Variants in GGN observed in about 807,000 individuals in gnomAD.
GGN encodes the protein gametogenetin.
In GGN, 27 loss-of-function variants were observed where a neutral mutation model predicts 35.5. The ratio of observed to expected loss-of-function variants is 0.76; its 90% CI spans 0.56 to 1.05. The LOEUF is 1.05. GGN is among the 50% of genes least tolerant of loss of function. The pLI is 0.00. For missense variants in GGN, 1,006 were observed against 940.7 expected (o/e 1.07, Z -0.91); for synonymous variants, 425 against 444.1 (o/e 0.96, Z 0.54).
chr19:38,386,509 G>A lies in GGN; in HGVS notation c.753C>T (p.Pro251=). The change falls in exon 3 of 4, where the codon CCC becomes CCT. Residue 251 remains proline (P), a synonymous_variant. Transcript: ENST00000334928. ...TCGAGGCTGCCGGAGGGGCCAAAGA[G>A]GGCCTCGACTTGAAGGTGATTTTAC... ...LLCKITFKSR[P]SLAPPAASSS... is the part of the protein sequence containing the mutation. 1 of 1,612,998 alleles carries A rather than the reference G, an allele frequency of 6.2e-7. No individual in the cohort carries two copies. Among genetic ancestry groups the A allele is most frequent in the Non-Finnish European group, 8.5e-7 (1 of 1,179,986 alleles).
Position 38,385,564 on chromosome 19 carries a change from G to C in GGN, c.1698C>G (p.Gly566=). 1.2e-6 allele frequency: 2 copies of C among 1,614,082 alleles called. No homozygotes were observed. The highest frequency in any genetic ancestry group is 1.7e-6 in the Non-Finnish European group (2 of 1,180,006). ...CTGCCCCAGTCTGAGAGGCCCCGCT[G>C]CCACCACCCCCTCCACCACTGCTGT... ...VPDSSGGGGG[G]SGASQTGAAN... Residue 566 remains glycine, a synonymous_variant, in exon 3 of 4, where the codon GGC becomes GGG. Transcript: ENST00000334928.
At position 38,386,662 on chromosome 19, in the gene GGN, T is replaced by C. The variant is rs1970731240; in HGVS notation, c.600A>G (p.Thr200=). 6.2e-7 allele frequency: 1 copy of C among 1,611,832 alleles called. No homozygotes were observed. Among genetic ancestry groups the C allele is most frequent in the South Asian group, 1.1e-5 (1 of 90,888 alleles). The change falls in exon 3 of 4, where the codon ACA becomes ACG. Residue 200 remains threonine (T), a synonymous_variant. Coordinates refer to ENST00000334928, the MANE Select transcript of GGN (RefSeq NM_152657.4). ...GGTTGCGGGGCCCAGCCTGGCTTTC[T>C]GTCGGGGGTGAGGCGGGTGTGGCCA... ...PALATPASPP[T]ESQAGPRNQG...
In GGN at chr19:38,386,023, C is replaced by G. The variant is rs753032914; in HGVS notation, c.1239G>C (p.Pro413=). 1 of 1,605,324 alleles carries G rather than the reference C, an allele frequency of 6.2e-7. No individual in the cohort carries two copies. The highest frequency in any genetic ancestry group is 8.5e-7 in the Non-Finnish European group (1 of 1,176,270). The change falls in exon 3 of 4, where the codon CCG becomes CCC. Residue 413 remains proline, a synonymous_variant. Transcript: ENST00000334928. The part of the protein sequence containing the change: ...PRRPAPALLA[P]PTFIFPAPTN... The stretch of plus-strand genomic sequence containing the variant: ...TGGGTGCTGGGAAGATGAACGTAGG[C>G]GGCGCCAGCAGGGCAGGTGCGGGCC...
upstream of GGN, chr19:38,388,135 G>A (rs1970765585): frequency 6.0e-6 from 1 of 166,470 alleles, no homozygotes; most frequent in Non-Finnish European, 1.3e-5. Flanking sequence ...ACACCGATGC[G>A]TCGCTCCTCC....
Position 38,384,414 on chromosome 19 carries a change from A to G in GGN, c.1957T>C (p.Ter653ArgextTer2). 1 of 1,610,868 alleles carries G rather than the reference A, an allele frequency of 6.2e-7. No individual in the cohort carries two copies. The highest frequency in any genetic ancestry group is 8.5e-7 in the Non-Finnish European group (1 of 1,177,180). ...HYDLQATHSN[*>R] The stretch of plus-strand genomic sequence containing the variant: ...GGAGGGTGTTGAGCCGACTACACTC[A>G]GTTGGAATGGGTGGCCTGCAAGTCG... The change falls in exon 4 of 4, where the codon TGA becomes CGA. Residue 653 changes from the stop codon to arginine, a stop_lost. Transcript: ENST00000334928.
Position 38,387,079 on chromosome 19 carries a change from C to T in GGN, c.183G>A (p.Met61Ile). 7 of 1,558,310 alleles carry T rather than the reference C, an allele frequency of 4.5e-6. No individual in the cohort carries two copies. The highest frequency in any genetic ancestry group is 6.1e-6 in the Non-Finnish European group (7 of 1,150,856). Residue 61 changes from methionine to isoleucine, a missense_variant, in exon 3 of 4, where the codon ATG (methionine) becomes ATA (isoleucine). Physicochemically the swap from Met to Ile is conservative, Grantham distance 10 (BLOSUM62 1). Transcript: ENST00000334928. The surrounding 1 kb of genome is among the most constrained non-coding windows in gnomAD (Gnocchi z 5.3). The stretch of plus-strand genomic sequence containing the variant: ...GTGAGGCCTGGGGCTCCCGGGGTAC[C>T]ATGAGTCCCGGGGGTGTGGCGCTGC... ...FPGSATPPGL[M>I]VPREPQASPS...
At position 38,386,918 on chromosome 19, in the gene GGN, G is replaced by A. The variant is rs747657588; in HGVS notation, c.344C>T (p.Ala115Val). 3 of 1,550,796 alleles carry A rather than the reference G, an allele frequency of 1.9e-6. No individual in the cohort carries two copies. The highest frequency in any genetic ancestry group is 1.4e-5 in the African/African-American group (1 of 73,290). Residue 115 changes from alanine (A) to valine (V), a missense_variant, in exon 3 of 4, where the codon GCG becomes GTG. Ala to Val is a moderately conservative substitution (Grantham distance 64, BLOSUM62 0). Coordinates refer to ENST00000334928, the MANE Select transcript of GGN (RefSeq NM_152657.4). Reference sequence around the variant, plus strand: ...GCGGATCCGGGGAACTGGAGTGCCCGCGGGCTTTTGCCATTTAGACGGGCC... The same window carrying A: ...GCGGATCCGGGGAACTGGAGTGCCCACGGGCTTTTGCCATTTAGACGGGCC... ...LPGPSKWQKPAGTPVPRIRRL... is the reference protein window; with the variant it reads ...LPGPSKWQKPVGTPVPRIRRL...
In GGN at chr19:38,388,013, C is replaced by G. The variant is rs1467654455; in HGVS notation, c.-120G>C. 1 of 155,020 alleles carries G rather than the reference C, an allele frequency of 6.5e-6. No individual in the cohort carries two copies. Among genetic ancestry groups the G allele is most frequent in the Non-Finnish European group, 1.5e-5 (1 of 68,732 alleles). 9.6% of individuals were successfully genotyped at this position (155,020 alleles called of 1,614,324 possible). A position where few individuals can be genotyped will look rare whatever the true frequency, so the allele number is the denominator to read the frequency against. On this transcript the variant is annotated 5_prime_UTR_variant, in exon 1 of 4. Transcript: ENST00000334928. ...TGAAATACTCCGAGGTCTTGTTCCT[C>G]GCCCCCAGGCCTTCTGGTTCTAAGC...
At position 38,386,565 on chromosome 19, in the gene GGN, C is replaced by T; in HGVS notation, c.697G>A (p.Ala233Thr). ...AGGCTCAGACCGGACTCGGAATCCG[C>T]AGGCTGGGCCATTTCGCCTTCGCCC... ...HAGEGEMAQP[A>T]DSESGLSLLC... The change falls in exon 3 of 4, where the codon GCG becomes ACG. Residue 233 changes from alanine (A) to threonine (T), a missense_variant. Transcript: ENST00000334928. The T allele has an allele frequency of 6.2e-7, 1 of 1,613,632 alleles. No homozygotes were observed. Among genetic ancestry groups the T allele is most frequent in the Non-Finnish European group, 8.5e-7 (1 of 1,179,932 alleles).
chr19:38,388,248 C>T (rs910544316), upstream of GGN, among the ~76,000 whole-genome samples: 3 of 152,160 alleles, frequency 2.0e-5, no homozygotes, highest in African/African-American at 2.4e-5. Flanking sequence ...TCCTTCCCCC[C>T]GGGCGCCGAG....
chr19:38,385,356 G>A (rs2145134479), intron 3 of GGN, 65 bp downstream of exon 3: 1 of 1,601,406 alleles, frequency 6.2e-7, no homozygotes, highest in East Asian at 2.2e-5. Context: ...GAAGCCAAAG[G>A]GCTGAGTAGG....
Position 38,386,109 on chromosome 19 carries a change from C to T in GGN, c.1153G>A (p.Gly385Arg). ...GGTGGCGGAGGGGAGCCCCAAGGCC[C>T]AGAGAGTGCGGCCGCACGCCGTCGC... ...APRRRAAALS[G>R]PWGSPPPPPE... The change falls in exon 3 of 4, where the codon GGG becomes AGG. Residue 385 changes from glycine (G) to arginine (R), a missense_variant. By Grantham distance (125) the Gly-to-Arg change is moderately radical. Transcript: ENST00000334928. The T allele has an allele frequency of 6.3e-7, 1 of 1,584,554 alleles. No individual in the cohort carries two copies. Among genetic ancestry groups the T allele is most frequent in the Non-Finnish European group, 8.6e-7 (1 of 1,168,464 alleles).
At position 38,387,327 on chromosome 19, in the gene GGN, C is replaced by A; in HGVS notation, c.-19-47G>T. ...AGTCAGCCTGCCAGGGCCGTGGGGACCCTACGAGGCTGGCTGTACTTGATC... is the reference window on the plus strand; with the variant it reads ...AGTCAGCCTGCCAGGGCCGTGGGGAACCTACGAGGCTGGCTGTACTTGATC... On this transcript the variant is annotated intron_variant, in intron 2 of 3. Coordinates refer to ENST00000334928, the MANE Select transcript of GGN (RefSeq NM_152657.4). The surrounding 1 kb of genome is among the most constrained non-coding windows in gnomAD (Gnocchi z 5.3). 1 of 1,493,824 alleles carries A rather than the reference C, an allele frequency of 6.7e-7. No homozygotes were observed. Among genetic ancestry groups the A allele is most frequent in the Non-Finnish European group, 8.9e-7 (1 of 1,124,012 alleles). The allele number at this position is 1,493,824 out of a possible 1,614,324, so 92.5% of individuals were successfully genotyped here.
In GGN at chr19:38,384,341, G is replaced by T; in HGVS notation, c.*71C>A. ...CCACTGCCTTGGCGAGTGATTGACAGGCTGCTGGCATCTGGATTGGTTATT... is the reference window on the plus strand; with the variant it reads ...CCACTGCCTTGGCGAGTGATTGACATGCTGCTGGCATCTGGATTGGTTATT... On this transcript the variant is annotated 3_prime_UTR_variant, in exon 4 of 4. Transcript: ENST00000334928. 1.8e-6 allele frequency: 2 copies of T among 1,129,464 alleles called. No homozygotes were observed. Among genetic ancestry groups the T allele is most frequent in the East Asian group, 2.4e-5 (1 of 42,210 alleles). 70.0% of individuals were successfully genotyped at this position (1,129,464 alleles called of 1,614,324 possible). A position where few individuals can be genotyped will look rare whatever the true frequency, so the allele number is the denominator to read the frequency against.
Position 38,384,594 on chromosome 19 carries a change from C to T in GGN, c.1842-65G>A. ...GACCAGGCCTCTAGCCCTTCTAGGG[C>T]CTCCCTGTCCCCATATGAATAGGGA... On this transcript the variant is annotated intron_variant, in intron 3 of 3. Transcript: ENST00000334928. The T allele has an allele frequency of 4.3e-6, 5 of 1,157,058 alleles. No homozygotes were observed. In the South Asian group the frequency reaches 6.2e-5, roughly 14 times the overall value. 71.7% of individuals were successfully genotyped at this position (1,157,058 alleles called of 1,614,324 possible).
Position 38,387,330 on chromosome 19 carries a change from T to C in GGN, c.-19-50A>G. The C allele has an allele frequency of 6.7e-7, 1 of 1,491,576 alleles. No homozygotes were observed. The highest frequency in any genetic ancestry group is 8.9e-7 in the Non-Finnish European group (1 of 1,122,934). The allele number at this position is 1,491,576 out of a possible 1,614,324, so 92.4% of individuals were successfully genotyped here. ...CAGCCTGCCAGGGCCGTGGGGACCC[T>C]ACGAGGCTGGCTGTACTTGATCTAA... is the stretch of plus-strand genomic sequence containing the variant. On this transcript the variant is annotated intron_variant, in intron 2 of 3. Transcript: ENST00000334928. The surrounding 1 kb of genome is among the most constrained non-coding windows in gnomAD (Gnocchi z 5.3).
rs1248165491 is a variant in GGN at position 38,387,142 on chromosome 19, G to T, written c.120C>A (p.Ala40=). The change falls in exon 3 of 4, where the codon GCC becomes GCA. Residue 40 remains alanine (A), a synonymous_variant. Transcript: ENST00000334928. This position sits in a 1 kb window ranked among gnomAD's most constrained non-coding sequence, Gnocchi z 5.3. ...SLVEPEMTSQ[A]MRLTRGLGVW... The stretch of plus-strand genomic sequence containing the variant: ...CACCCAGCCCACGAGTCAGGCGCAT[G>T]GCCTGGGAGGTCATCTCGGGCTCCA... The T allele has an allele frequency of 1.3e-6, 2 of 1,576,258 alleles. No homozygotes were observed. The highest frequency in any genetic ancestry group is 1.7e-6 in the Non-Finnish European group (2 of 1,160,930).
In GGN at chr19:38,387,886, C is replaced by G. The variant is rs1235726898; in HGVS notation, c.-81-64G>C. ...GGGTGAAGGCAAGTGGGCGAGACAA[C>G]TAGGGCGGACCCCGAGATGTAGGCC... On this transcript the variant is annotated intron_variant, in intron 1 of 3. Transcript: ENST00000334928. This position sits in a 1 kb window ranked among gnomAD's most constrained non-coding sequence, Gnocchi z 5.3. The G allele has an allele frequency of 6.5e-6, 1 of 154,568 alleles. No homozygotes were observed. Among genetic ancestry groups the G allele is most frequent in the Non-Finnish European group, 1.5e-5 (1 of 68,352 alleles). The allele number at this position is 154,568 out of a possible 1,614,324, so 9.6% of individuals were successfully genotyped here.
At chr19:38,388,272 C>T, upstream of GGN, 1 of 367,954 alleles carries the variant, frequency 2.7e-6, no homozygotes, top group Non-Finnish European at 4.8e-6. Context: ...GCCCATCCAC[C>T]GTGGGCCCGC....
Sources: allele counts gnomAD v4.1 joint callset (sites outside exome capture counted in the v4.1 genomes callset), GRCh38; gene constraint gnomAD v4.1.1; non-coding constraint Gnocchi (gnomAD v3.1); transcripts MANE v1.5; gene names NCBI Gene and HGNC (gene_info 2026-07-23, HGNC 2026-07-21).